IKZF2: variants seen among roughly 807,000 people sequenced by gnomAD.
IKZF2 encodes zinc finger protein Helios.
Under a neutral mutation model 49.2 loss-of-function variants are expected in IKZF2, and 15 were observed. The ratio of observed to expected loss-of-function variants is 0.30; its 90% CI spans 0.20 to 0.47. IKZF2 has a LOEUF of 0.47. IKZF2 is among the 20% of genes least tolerant of loss of function. The probability of loss-of-function intolerance (pLI) is 1.00; values close to 1 mark genes in which losing one functional copy is unlikely to be tolerated. For missense variants in IKZF2, 567 were observed against 664.6 expected, an observed-to-expected ratio of 0.85 and a Z score of 1.61; for synonymous variants, 227 against 221.4, an observed-to-expected ratio of 1.03 and a Z score of -0.23.
chr2:213,120,132 T>C (rs950816031), intron 4 of IKZF2, among the ~76,000 whole-genome samples: 2 of 152,204 alleles, frequency 1.3e-5, no homozygotes, highest in Admixed American at 1.3e-4. Context: ...GGTACACCTA[T>C]TCTCTGCCAG....
chr2:213,019,930 A>G (rs1022618941), intron 7 of IKZF2, among the ~76,000 whole-genome samples: 13 of 152,354 alleles, frequency 8.5e-5, no homozygotes, highest in Middle Eastern at 3.4e-3. Context: ...CAATCTGCCA[A>G]CAGATAATTC....
chr2:213,144,819 G>A (rs1328654590), intron 4 of IKZF2, among the ~76,000 whole-genome samples: 2 of 151,906 alleles, frequency 1.3e-5, no homozygotes, highest in African/African-American at 4.8e-5. Flanking sequence ...ACCATAGGAA[G>A]TAGTCATTAT....
intron 8 of IKZF2, among the ~76,000 whole-genome samples, chr2:213,012,395 A>G (rs1427989502): frequency 6.6e-6 from 1 of 151,972 alleles, no homozygotes; most frequent in Non-Finnish European, 1.5e-5. Flanking sequence ...CAGAAAGAAT[A>G]ATAATATATT....
chr2:213,058,463 CT>C (rs1180992147), intron 4 of IKZF2, among the ~76,000 whole-genome samples: 4 of 151,664 alleles, frequency 2.6e-5, no homozygotes, highest in African/African-American at 9.7e-5. Context: ...ATGTGCTTAT[CT>C]TTTTTTTCCT....
chr2:213,116,321 T>C (rs149741701), intron 4 of IKZF2, among the ~76,000 whole-genome samples: 6 of 152,318 alleles, frequency 3.9e-5, no homozygotes, highest in Non-Finnish European at 7.3e-5. Context: ...TACAATCCCA[T>C]CCATTTCCAT....
At chr2:213,052,632 T>C (rs1307330829) in intron 5 of IKZF2, among the ~76,000 whole-genome samples, 1 of 152,026 alleles carries the variant, frequency 6.6e-6, no homozygotes, top group Non-Finnish European at 1.5e-5. Flanking sequence ...ACAATACTGT[T>C]AGAAACAAGG....
intron 4 of IKZF2, among the ~76,000 whole-genome samples, chr2:213,107,244 T>C (rs1380090408): frequency 6.6e-6 from 1 of 152,200 alleles, no homozygotes; most frequent in Non-Finnish European, 1.5e-5. Flanking sequence ...TTCTCATCCC[T>C]TGCCCATGAG....
intron 4 of IKZF2, among the ~76,000 whole-genome samples, chr2:213,111,253 A>G (rs2059694702): frequency 6.6e-6 from 1 of 152,034 alleles, no homozygotes; most frequent in Non-Finnish European, 1.5e-5. Context: ...TTTCATGTAT[A>G]TATCTTTGTT....
At chr2:213,008,112 TAAA>T (rs369935563) in intron 8 of IKZF2, 28 bp from the exon 9 acceptor site, 407 of 1,272,628 alleles carry the variant, frequency 3.2e-4, no homozygotes, top group Middle Eastern at 7.0e-4. Flanking sequence ...GTGAAAGAAG[TAAA>T]AAAAAAAAAA....
intron 4 of IKZF2, among the ~76,000 whole-genome samples, chr2:213,090,152 G>C (rs1188958989): frequency 6.6e-6 from 1 of 152,168 alleles, no homozygotes; most frequent in Non-Finnish European, 1.5e-5. Context: ...TGGGCAGTGT[G>C]TGTTAGTGAC....
At chr2:213,023,447 A>G (rs1275147078) in intron 6 of IKZF2, among the ~76,000 whole-genome samples, 3 of 152,116 alleles carry the variant, frequency 2.0e-5, no homozygotes, top group Non-Finnish European at 2.9e-5. Context: ...GTGATTATTC[A>G]TTTTTTTAAA....
At chr2:213,080,459 G>A (rs76611777) in intron 4 of IKZF2, among the ~76,000 whole-genome samples, 5 of 152,020 alleles carry the variant, frequency 3.3e-5, no homozygotes, top group Non-Finnish European at 5.9e-5. Context: ...ATGAATGGGG[G>A]AGCAACAGTT....
chr2:213,121,125 A>T (rs910859352), intron 4 of IKZF2, among the ~76,000 whole-genome samples: 1 of 152,178 alleles, frequency 6.6e-6, no homozygotes, highest in African/African-American at 2.4e-5. Flanking sequence ...CCTATACACA[A>T]TATTTTTCAT....
In IKZF2 at chr2:213,000,244, A is replaced by T. The variant is rs1387164537; in HGVS notation, c.*7116T>A. On this transcript the variant is annotated 3_prime_UTR_variant, in exon 9 of 9. Coordinates refer to ENST00000434687, the MANE Select transcript of IKZF2 (RefSeq NM_001387220.1). ...ACAAGGTATGGAATTTTAACTTTAC[A>T]TATATATTTATATATATATATATAT... The T allele has an allele frequency of 8.2e-5, 2 of 24,460 alleles. No homozygotes were observed. Among genetic ancestry groups the T allele is most frequent in the Non-Finnish European group, 1.0e-3 (2 of 1,948 alleles). 1.5% of individuals were successfully genotyped at this position (24,460 alleles called of 1,614,324 possible). A position where few individuals can be genotyped will look rare whatever the true frequency, so the allele number is the denominator to read the frequency against.
rs1553539367 is a variant in IKZF2 at position 213,005,194 on chromosome 2, G to GGGT, written c.*2165_*2166insACC. On this transcript the variant is annotated 3_prime_UTR_variant, in exon 9 of 9. Transcript: ENST00000434687. Reference sequence around the variant, plus strand: ...TTATTATTTGGGAGTGGTTGGGTGGGGGGGGGTGAGCGAGTCTCAAAAACA... The same window carrying GGGT: ...TTATTATTTGGGAGTGGTTGGGTGGGGGTGGGGGGTGAGCGAGTCTCAAAAACA... 7.5e-6 allele frequency: 1 copy of GGGT among 133,248 alleles called. No individual in the cohort carries two copies. The highest frequency in any genetic ancestry group is 1.6e-5 in the Non-Finnish European group (1 of 61,490). The allele number at this position is 133,248 out of a possible 1,614,324, so 8.3% of individuals were successfully genotyped here.
chr2:213,034,391 A>C (rs184185441), intron 6 of IKZF2, among the ~76,000 whole-genome samples: 3 of 152,316 alleles, frequency 2.0e-5, no homozygotes, highest in African/African-American at 4.8e-5. Context: ...TTGCCTGTTG[A>C]CATACCTTCC....
chr2:213,152,168 A>G (rs2061302452), upstream of IKZF2: 1 of 152,140 alleles, frequency 6.6e-6, no homozygotes, highest in East Asian at 1.9e-4. Context: ...GGTGACGTTC[A>G]TTTCGGCCGC....
intron 6 of IKZF2, among the ~76,000 whole-genome samples, chr2:213,033,945 C>T (rs1195232579): frequency 6.6e-6 from 1 of 152,206 alleles, no homozygotes; most frequent in African/African-American, 2.4e-5. Flanking sequence ...TGAAACTCTG[C>T]CATTTATCAC....
intron 4 of IKZF2, among the ~76,000 whole-genome samples, chr2:213,110,588 T>C (rs982885670): frequency 2.6e-5 from 4 of 152,022 alleles, no homozygotes; most frequent in African/African-American, 9.6e-5. Flanking sequence ...GTTTGCACAA[T>C]GTTTCCCATC....
Sources: allele counts gnomAD v4.1 joint callset (sites outside exome capture counted in the v4.1 genomes callset), GRCh38; gene constraint gnomAD v4.1.1; transcripts MANE v1.5; gene names NCBI Gene and HGNC (gene_info 2026-07-23, HGNC 2026-07-21).